CADM2: variants seen among roughly 807,000 people sequenced by gnomAD.
The protein encoded by CADM2 is immunoglobulin superfamily member 4D.
CADM2 carries 12 observed loss-of-function variants against 49.8 expected under a neutral mutation model. That is an observed-to-expected ratio of 0.24 (90% CI 0.15 to 0.39). The LOEUF (loss-of-function observed/expected upper bound fraction) is 0.39, where lower values mean the gene tolerates loss of function less well. Among genes scored for constraint, CADM2 ranks in the 10% least tolerant of loss-of-function variants. The pLI is 1.00. For synonymous variants in CADM2, 214 were observed against 175.4 expected (o/e 1.22, Z -1.74); for missense variants, 378 against 492.3 (o/e 0.77, Z 2.20).
intron 1 of CADM2, among the ~76,000 whole-genome samples, chr3:85,491,578 G>A (rs1227566820): frequency 1.3e-5 from 2 of 152,048 alleles, no homozygotes; most frequent in Non-Finnish European, 2.9e-5. Flanking sequence ...TGTGTGAAAA[G>A]CATAATTATG....
intron 1 of CADM2, among the ~76,000 whole-genome samples, chr3:85,298,335 T>A (rs977176102): frequency 2.0e-5 from 3 of 152,128 alleles, no homozygotes; most frequent in Admixed American, 1.3e-4. Flanking sequence ...GAGACTTCAA[T>A]TGGCCATCCC....
chr3:85,515,371 A>G (rs915934621), intron 1 of CADM2, among the ~76,000 whole-genome samples: 2 of 150,418 alleles, frequency 1.3e-5, no homozygotes, highest in African/African-American at 2.4e-5. Context: ...CATCATCATT[A>G]GATTTTCTTT....
At chr3:85,626,149 A>G (rs1463545935) in intron 1 of CADM2, among the ~76,000 whole-genome samples, 1 of 152,030 alleles carries the variant, frequency 6.6e-6, no homozygotes, top group Admixed American at 6.6e-5. Flanking sequence ...GTATTATTTT[A>G]TACACTGTAT....
intron 1 of CADM2, among the ~76,000 whole-genome samples, chr3:85,207,004 A>T (rs576434624): frequency 1.3e-5 from 2 of 152,002 alleles, no homozygotes; most frequent in East Asian, 3.9e-4. Flanking sequence ...CCACAACATT[A>T]CAGGAGGAGC....
intron 1 of CADM2, among the ~76,000 whole-genome samples, chr3:85,199,370 T>TGAGAGAGAGAGAGAGAGA (rs59939815): frequency 1.6e-3 from 225 of 140,152 alleles, no homozygotes; most frequent in African/African-American, 4.9e-3. Flanking sequence ...TGTGTGTGTA[T>TGAGAGAGAGAGAGAGAGA]GAGAGAGAGA....
intron 8 of CADM2, among the ~76,000 whole-genome samples, chr3:85,975,493 T>G (rs1344480504): frequency 6.6e-6 from 1 of 151,482 alleles, no homozygotes; most frequent in Non-Finnish European, 1.5e-5. Flanking sequence ...AATTACTAAT[T>G]TCTCCGATCA....
At chr3:85,440,725 G>T (rs903918294) in intron 1 of CADM2, among the ~76,000 whole-genome samples, 1 of 140,866 alleles carries the variant, frequency 7.1e-6, no homozygotes, top group African/African-American at 2.6e-5. Flanking sequence ...GCTCACGTCT[G>T]TAATCCCAGT....
intron 4 of CADM2, among the ~76,000 whole-genome samples, chr3:85,884,098 A>G (rs1391043608): frequency 6.6e-6 from 1 of 152,214 alleles, no homozygotes; most frequent in African/African-American, 2.4e-5. Flanking sequence ...AAAGCAATAC[A>G]TTCATAGAGA....
chr3:85,935,833 C>G lies in CADM2; in HGVS notation c.767C>G (p.Thr256Ser). 6.2e-7 allele frequency: 1 copy of G among 1,603,520 alleles called. No homozygotes were observed. The highest frequency in any genetic ancestry group is 8.5e-7 in the Non-Finnish European group (1 of 1,172,478). Residue 256 changes from threonine to serine, a missense_variant, in exon 7 of 10, where the codon ACT becomes AGT. By Grantham distance (58) the Thr-to-Ser change is moderately conservative. Transcript: ENST00000383699. ...CAAGAAGGACAGCCTTTAATTTTGA[C>G]TTGTGAATCCAAAGGAAAACCACTG... ...FPQEGQPLIL[T>S]CESKGKPLPE... is the part of the protein sequence containing the mutation.
chr3:85,869,763 A>G (rs2075851765), intron 3 of CADM2, among the ~76,000 whole-genome samples: 1 of 152,058 alleles, frequency 6.6e-6, no homozygotes, highest in Admixed American at 6.5e-5. Context: ...GGTTCACGCC[A>G]TTCTCTTCCC....
chr3:85,500,619 G>A (rs1394328441), intron 1 of CADM2, among the ~76,000 whole-genome samples: 3 of 151,782 alleles, frequency 2.0e-5, no homozygotes, highest in Admixed American at 6.6e-5. Context: ...CAGGGTTCAC[G>A]TCATTCTCCT....
chr3:86,036,179 A>G (rs76220602), intron 8 of CADM2, among the ~76,000 whole-genome samples: 2 of 152,110 alleles, frequency 1.3e-5, no homozygotes, highest in African/African-American at 4.8e-5. Flanking sequence ...AAAAACCTTA[A>G]TATATTAAGT....
At chr3:85,922,700 G>T (rs1358133739) in intron 6 of CADM2, among the ~76,000 whole-genome samples, 23 of 151,932 alleles carry the variant, frequency 1.5e-4, no homozygotes, top group Non-Finnish European at 8.8e-5. Context: ...CAATACTTTA[G>T]AAACACTTTG....
chr3:85,804,037 T>C (rs762672076), intron 3 of CADM2, among the ~76,000 whole-genome samples: 29 of 152,150 alleles, frequency 1.9e-4, no homozygotes, highest in Admixed American at 6.6e-5. Context: ...GAAGTTCTAC[T>C]AGTTAAAAAA....
chr3:85,884,760 C>T (rs1245201984), intron 4 of CADM2, among the ~76,000 whole-genome samples: 1 of 144,680 alleles, frequency 6.9e-6, no homozygotes, highest in Non-Finnish European at 1.5e-5. Context: ...GAGTCTCACT[C>T]TGTAGCCTGG....
At chr3:85,551,699 A>G (rs898265359) in intron 1 of CADM2, among the ~76,000 whole-genome samples, 1 of 152,204 alleles carries the variant, frequency 6.6e-6, no homozygotes, top group Non-Finnish European at 1.5e-5. Flanking sequence ...AAATAGCAGT[A>G]CTAACACAAC....
At chr3:85,266,922 T>A (rs1038498504) in intron 1 of CADM2, among the ~76,000 whole-genome samples, 1 of 151,846 alleles carries the variant, frequency 6.6e-6, no homozygotes, top group Non-Finnish European at 1.5e-5. Context: ...ACAGCAGTAC[T>A]CTAATTATGT....
At chr3:85,217,648 C>G (rs2041959287) in intron 1 of CADM2, among the ~76,000 whole-genome samples, 1 of 151,956 alleles carries the variant, frequency 6.6e-6, no homozygotes, top group South Asian at 2.1e-4. Flanking sequence ...TTATAGAAAA[C>G]TATTAAAACA....
chr3:85,869,747 A>C (rs1158672199), intron 3 of CADM2, among the ~76,000 whole-genome samples: 5 of 151,970 alleles, frequency 3.3e-5, no homozygotes, highest in Admixed American at 2.6e-4. Context: ...CAAGCTCTGC[A>C]TCCTGGGTTC....
Sources: gnomAD v4.1 joint callset for allele counts (sites outside exome capture counted in the v4.1 genomes callset) on GRCh38, gnomAD v4.1.1 for gene constraint, MANE v1.5 for transcripts, NCBI Gene and HGNC (gene_info 2026-07-23, HGNC 2026-07-21) for gene names.